Variants in AGTPBP1 observed in about 807,000 individuals in gnomAD.
AGTPBP1 encodes cytosolic carboxypeptidase 1.
In AGTPBP1, 70 loss-of-function variants were observed where a neutral mutation model predicts 143.9. The ratio of observed to expected loss-of-function variants is 0.49; its 90% CI spans 0.40 to 0.59. The LOEUF is 0.59. Ranked by LOEUF, AGTPBP1 falls within the 20% of genes least tolerant of loss-of-function variation. AGTPBP1 has a pLI of 0.00. For synonymous variants in AGTPBP1, 463 were observed against 500.2 expected (o/e 0.93, Z 0.99); for missense variants, 1,229 against 1,464.5 (o/e 0.84, Z 2.62).
At chr9:85,773,147 C>T in the AGTPBP1 span, among the ~76,000 whole-genome samples, 2 of 150,486 alleles carry the variant, frequency 1.3e-5, no homozygotes, top group African/African-American at 4.9e-5. Context: ...CGCCTGTAGT[C>T]CCAGCTACTC....
intron 17 of AGTPBP1, among the ~76,000 whole-genome samples, chr9:85,599,570 C>A (rs1475816831): frequency 6.6e-6 from 1 of 152,186 alleles, no homozygotes; most frequent in Non-Finnish European, 1.5e-5. Flanking sequence ...TTAATTTTCA[C>A]TTCTCCTATA....
chr9:85,726,056 CAAAAAAAAAAAAAAAAA>C (rs948203314), intron 1 of AGTPBP1, among the ~76,000 whole-genome samples: 1 of 40,786 alleles, frequency 2.5e-5, no homozygotes. Flanking sequence ...GACTCCATCT[CAAAAAAAAAAAAAAAAA>C]AAAAAAAAAT....
In AGTPBP1 at chr9:85,681,301, A is replaced by G; in HGVS notation, c.192T>C (p.Ser64=). The change falls in exon 4 of 26, where the codon TCT becomes TCC. Residue 64 remains serine (S), a synonymous_variant. Transcript: ENST00000357081. The part of the protein sequence containing the change: ...KTRREMTAKG[S]TGMEILLSTL... ...TTGACAGCAGAATTTCCATTCCTGT[A>G]GAACCTTTGGCTGTCATTTCTCTCC... 1 of 1,612,720 alleles carries G rather than the reference A, an allele frequency of 6.2e-7. No individual in the cohort carries two copies. The highest frequency in any genetic ancestry group is 8.5e-7 in the Non-Finnish European group (1 of 1,179,742).
intron 2 of AGTPBP1, among the ~76,000 whole-genome samples, chr9:85,712,148 C>A (rs555232737): frequency 1.1e-4 from 16 of 152,008 alleles, no homozygotes; most frequent in South Asian, 2.1e-4. Flanking sequence ...GCCTGTAATC[C>A]CAGCTACTCC....
chr9:85,650,513 T>C (rs752258805), intron 11 of AGTPBP1, among the ~76,000 whole-genome samples: 1 of 152,188 alleles, frequency 6.6e-6, no homozygotes, highest in Admixed American at 6.5e-5. Context: ...ACACGTAACA[T>C]AAAAAATATG....
chr9:85,756,872 T>C, the AGTPBP1 span, among the ~76,000 whole-genome samples: 1 of 152,110 alleles, frequency 6.6e-6, no homozygotes, highest in Non-Finnish European at 1.5e-5. Context: ...ATACCATTTG[T>C]ATCAAGTCTC....
intron 14 of AGTPBP1, among the ~76,000 whole-genome samples, chr9:85,630,493 TGATTGAGA>T (rs750115334): frequency 5.9e-4 from 85 of 143,942 alleles, no homozygotes; most frequent in Middle Eastern, 3.7e-3. Flanking sequence ...ATTGATTGAT[TGATTGAGA>T]CAGAGTCTTG....
chr9:85,773,992 A>C, the AGTPBP1 span: 1 of 1,611,028 alleles, frequency 6.2e-7, no homozygotes, highest in Non-Finnish European at 8.5e-7. Flanking sequence ...CTCCAGCAAA[A>C]GGAGCACGAA....
At chr9:85,730,027 C>G (rs541585241) in intron 1 of AGTPBP1, among the ~76,000 whole-genome samples, 2 of 152,306 alleles carry the variant, frequency 1.3e-5, no homozygotes, top group East Asian at 3.9e-4. Flanking sequence ...ACCAGAGCCT[C>G]CTGACCTCAA....
chr9:85,717,426 C>T (rs932214172), intron 1 of AGTPBP1, among the ~76,000 whole-genome samples: 10 of 152,202 alleles, frequency 6.6e-5, no homozygotes, highest in African/African-American at 1.4e-4. Flanking sequence ...CACTTGAGCA[C>T]GGGAGGTTAA....
chr9:85,730,733 C>T (rs563457485), intron 1 of AGTPBP1, among the ~76,000 whole-genome samples: 1 of 152,292 alleles, frequency 6.6e-6, no homozygotes, highest in Non-Finnish European at 1.5e-5. Flanking sequence ...GATGGAAACG[C>T]ACTCTATCTT....
At chr9:85,593,397 C>T (rs1011223014) in intron 18 of AGTPBP1, among the ~76,000 whole-genome samples, 21 of 152,140 alleles carry the variant, frequency 1.4e-4, no homozygotes, top group Admixed American at 3.3e-4. Context: ...TAAATTAACA[C>T]AGACTTAAGG....
chr9:85,593,942 G>A (rs1464550515), intron 18 of AGTPBP1, among the ~76,000 whole-genome samples: 2 of 152,028 alleles, frequency 1.3e-5, no homozygotes, highest in Non-Finnish European at 2.9e-5. Flanking sequence ...AAAAACCAGG[G>A]CCTATACGTT....
intron 25 of AGTPBP1, among the ~76,000 whole-genome samples, chr9:85,573,528 C>T (rs939733234): frequency 6.6e-6 from 1 of 152,256 alleles, no homozygotes; most frequent in Non-Finnish European, 1.5e-5. Flanking sequence ...GCCGCCACCC[C>T]GTCTGGGAAG....
intron 1 of AGTPBP1, among the ~76,000 whole-genome samples, chr9:85,736,959 A>G (rs1368395185): frequency 6.6e-6 from 1 of 152,174 alleles, no homozygotes; most frequent in Non-Finnish European, 1.5e-5. Context: ...ACAAAAAATT[A>G]GCCAGGCGTG....
chr9:85,803,868 T>C, the AGTPBP1 span, among the ~76,000 whole-genome samples: 3 of 152,234 alleles, frequency 2.0e-5, no homozygotes, highest in Non-Finnish European at 2.9e-5. Flanking sequence ...AATTGTCTCT[T>C]TTCTCTCTTG....
At chr9:85,801,811 T>C in the AGTPBP1 span, among the ~76,000 whole-genome samples, 1 of 152,222 alleles carries the variant, frequency 6.6e-6, no homozygotes, top group Non-Finnish European at 1.5e-5. Flanking sequence ...ATTTGAAGAA[T>C]TCAACCCCTC....
At chr9:85,644,408 C>A (rs984006779) in intron 12 of AGTPBP1, among the ~76,000 whole-genome samples, 1 of 150,358 alleles carries the variant, frequency 6.7e-6, no homozygotes, top group Non-Finnish European at 1.5e-5. Context: ...GAAAATATGG[C>A]CTTACATAGT....
At position 85,589,524 on chromosome 9, in the gene AGTPBP1, T is replaced by G; in HGVS notation, c.2722+4A>C. The G allele has an allele frequency of 6.3e-7, 1 of 1,598,986 alleles. No homozygotes were observed. Among genetic ancestry groups the G allele is most frequent in the South Asian group, 1.1e-5 (1 of 87,800 alleles). On this transcript the variant is annotated splice_donor_region_variant and intron_variant, in intron 20 of 25. Coordinates refer to ENST00000357081, the MANE Select transcript of AGTPBP1 (RefSeq NM_001330701.2). ...GCTATTGTGAGTTGGGAAGACAAAC[T>G]TACTGAAATGGCAGATATGTTCATA...
Sources: gnomAD v4.1 joint callset for allele counts (sites outside exome capture counted in the v4.1 genomes callset) on GRCh38, gnomAD v4.1.1 for gene constraint, MANE v1.5 for transcripts, NCBI Gene and HGNC (gene_info 2026-07-23, HGNC 2026-07-21) for gene names.